Variants in SLC8B1 observed in about 807,000 individuals in gnomAD.
The protein encoded by SLC8B1 is mitochondrial sodium/calcium exchanger protein.
In SLC8B1, 52 loss-of-function variants were observed where a neutral mutation model predicts 63.4. That is an observed-to-expected ratio of 0.82 (90% CI 0.66 to 1.03). The LOEUF (loss-of-function observed/expected upper bound fraction) is 1.03, where lower values mean the gene tolerates loss of function less well. Among genes scored for constraint, SLC8B1 ranks in the 50% least tolerant of loss-of-function variants. SLC8B1 has a pLI of 0.00. For synonymous variants in SLC8B1, 336 were observed against 323.9 expected (o/e 1.04, Z -0.40); for missense variants, 657 against 741.7 (o/e 0.89, Z 1.33).
chr12:113,332,520 C>G (rs1957069986), intron 2 of SLC8B1, among the ~76,000 whole-genome samples: 1 of 152,216 alleles, frequency 6.6e-6, no homozygotes, highest in South Asian at 2.1e-4. Flanking sequence ...CTGCCTTGGC[C>G]TCCCAAAGTG....
chr12:113,309,125 G>A (rs1200578511), intron 12 of SLC8B1, among the ~76,000 whole-genome samples: 1 of 152,014 alleles, frequency 6.6e-6, no homozygotes, highest in Non-Finnish European at 1.5e-5. Context: ...AAAGTGTTGG[G>A]ATTACAGGCG....
At chr12:113,311,436 C>T (rs919602612) in intron 11 of SLC8B1, among the ~76,000 whole-genome samples, 2 of 151,064 alleles carry the variant, frequency 1.3e-5, no homozygotes, top group African/African-American at 2.4e-5. Flanking sequence ...GGTGACAGAG[C>T]AAGACTCCAT....
Position 113,320,672 on chromosome 12 carries a change from C to G in SLC8B1, c.435G>C (p.Leu145=), listed in dbSNP as rs377229441. Residue 145 remains leucine, a synonymous_variant, in exon 6 of 16, where the codon CTG becomes CTC. Coordinates refer to ENST00000680972, the MANE Select transcript of SLC8B1 (RefSeq NM_001358345.2). This position sits in a 1 kb window ranked among gnomAD's most constrained non-coding sequence, Gnocchi z 5.3. ...LSHNVAGVTF[L]AFGNGAPDIF... Reference sequence around the variant, plus strand: ...TGTCAGGTGCACCATTCCCAAATGCCAGGAAGGTGACGCCATGTGGGGAGC... The same window carrying G: ...TGTCAGGTGCACCATTCCCAAATGCGAGGAAGGTGACGCCATGTGGGGAGC... 6.2e-7 allele frequency: 1 copy of G among 1,613,898 alleles called. No homozygotes were observed. Among genetic ancestry groups the G allele is most frequent in the Non-Finnish European group, 8.5e-7 (1 of 1,179,954 alleles).
chr12:113,302,403 T>C (rs1035303702), intron 15 of SLC8B1: 8 of 285,972 alleles, frequency 2.8e-5, no homozygotes, highest in Non-Finnish European at 5.6e-5. Context: ...GATTGCAGGC[T>C]TTTGGCTTCC....
intron 13 of SLC8B1, chr12:113,306,981 G>A (rs1167473610): frequency 5.1e-5 from 11 of 216,232 alleles, no homozygotes; most frequent in Non-Finnish European, 1.0e-4. Context: ...CATGGTAGTG[G>A]GCGCCTGTAA....
Position 113,320,912 on chromosome 12 carries a change from G to A in SLC8B1, c.363-5C>T, listed in dbSNP as rs763800801. 3.9e-5 allele frequency: 63 copies of A among 1,604,402 alleles called. No homozygotes were observed. Among genetic ancestry groups the A allele is most frequent in the East Asian group, 1.3e-4 (6 of 44,574 alleles). On this transcript the variant is annotated splice_region_variant and splice_polypyrimidine_tract_variant and intron_variant, in intron 4 of 15. Transcript: ENST00000680972. The surrounding 1 kb of genome is among the most constrained non-coding windows in gnomAD (Gnocchi z 5.3). ...GCCGACAAGTTGGGGCAGAAACTAC[G>A]GAGAAAAAGCGGACGGGAAGCATTT...
chr12:113,314,661 C>A (rs1259929424), intron 11 of SLC8B1, among the ~76,000 whole-genome samples: 1 of 152,196 alleles, frequency 6.6e-6, no homozygotes, highest in Non-Finnish European at 1.5e-5. Flanking sequence ...ATTTAGGCCA[C>A]AGGCACCCCA....
At chr12:113,315,066 A>C (rs1276022463) in intron 11 of SLC8B1, among the ~76,000 whole-genome samples, 1 of 152,228 alleles carries the variant, frequency 6.6e-6, no homozygotes, top group Non-Finnish European at 1.5e-5. Context: ...TGGGCGGATC[A>C]CTTGAGGTCA....
intron 11 of SLC8B1, among the ~76,000 whole-genome samples, chr12:113,312,560 C>T (rs1566230730): frequency 6.6e-6 from 1 of 152,098 alleles, no homozygotes; most frequent in Non-Finnish European, 1.5e-5. Flanking sequence ...GGGAGGCTCA[C>T]CTTGAGTCAC....
intron 2 of SLC8B1, among the ~76,000 whole-genome samples, chr12:113,327,134 G>C (rs1209752045): frequency 6.6e-6 from 1 of 152,054 alleles, no homozygotes; most frequent in Admixed American, 6.6e-5. Flanking sequence ...TCACCCAAGG[G>C]GTTTCTGACA....
At chr12:113,328,682 C>T (rs766756963) in intron 2 of SLC8B1, among the ~76,000 whole-genome samples, 2 of 152,086 alleles carry the variant, frequency 1.3e-5, no homozygotes, top group African/African-American at 2.4e-5. Flanking sequence ...TTCTTGGTTC[C>T]CAGGACACTT....
chr12:113,306,306 T>C (rs1956674396), intron 14 of SLC8B1, among the ~76,000 whole-genome samples, 189 bp downstream of exon 14: 1 of 151,962 alleles, frequency 6.6e-6, no homozygotes. Context: ...ACTGGATCCT[T>C]ACAACACCAC....
intron 2 of SLC8B1, among the ~76,000 whole-genome samples, chr12:113,327,164 C>G (rs1312245260): frequency 6.6e-6 from 1 of 152,058 alleles, no homozygotes. Flanking sequence ...CCACCCAGCA[C>G]AAGGAGGAAG....
At chr12:113,332,661 G>A (rs200502646) in intron 2 of SLC8B1, 62 bp downstream of exon 2, 2 of 1,543,524 alleles carry the variant, frequency 1.3e-6, no homozygotes, top group African/African-American at 2.7e-5. Flanking sequence ...ATGCTCAATA[G>A]ATATTTATCG....
At chr12:113,316,803 G>T in intron 9 of SLC8B1, 139 bp downstream of exon 9, 1 of 1,484,618 alleles carries the variant, frequency 6.7e-7, no homozygotes, top group Non-Finnish European at 9.2e-7. Context: ...CCTGGCCCTT[G>T]GCTCACCTGA....
chr12:113,317,012 G>C lies in SLC8B1; in HGVS notation c.803-11C>G, dbSNP rs376144403. The C allele has an allele frequency of 6.2e-7, 1 of 1,611,076 alleles. No homozygotes were observed. The highest frequency in any genetic ancestry group is 8.5e-7 in the Non-Finnish European group (1 of 1,178,868). On this transcript the variant is annotated splice_polypyrimidine_tract_variant and intron_variant, in intron 8 of 15. Coordinates refer to ENST00000680972, the MANE Select transcript of SLC8B1 (RefSeq NM_001358345.2). ...AGTCTGAGAGGATCTCTGCAGGAGAGAGGCCCAGTTACATACAGAACCCAG... is the reference window on the plus strand; with the variant it reads ...AGTCTGAGAGGATCTCTGCAGGAGACAGGCCCAGTTACATACAGAACCCAG...
At chr12:113,303,581 C>T (rs564535710) in intron 15 of SLC8B1, among the ~76,000 whole-genome samples, 9 of 128,538 alleles carry the variant, frequency 7.0e-5, no homozygotes, top group East Asian at 3.9e-4. Context: ...GGACTGCCAG[C>T]GGCTCAGGGG....
intron 12 of SLC8B1, among the ~76,000 whole-genome samples, chr12:113,309,208 A>C (rs1357766170): frequency 1.1e-4 from 15 of 137,374 alleles, no homozygotes; most frequent in African/African-American, 3.6e-4. Flanking sequence ...AGTCTCTGTC[A>C]CCCAGGCTGA....
At chr12:113,306,093 A>G (rs1956670217) in intron 14 of SLC8B1, among the ~76,000 whole-genome samples, 1 of 150,764 alleles carries the variant, frequency 6.6e-6, no homozygotes, top group African/African-American at 2.4e-5. Flanking sequence ...AAAAAAAAAA[A>G]AGAATTCTCT....
Sources: gnomAD v4.1 joint callset for allele counts (sites outside exome capture counted in the v4.1 genomes callset) on GRCh38, gnomAD v4.1.1 for gene constraint, Gnocchi (gnomAD v3.1) non-coding constraint, MANE v1.5 for transcripts, NCBI Gene and HGNC (gene_info 2026-07-23, HGNC 2026-07-21) for gene names.